Variants in USP6NL observed in about 807,000 individuals in gnomAD.
USP6NL encodes USP6 N-terminal like.
A neutral mutation model predicts 61.9 loss-of-function variants in USP6NL; 26 were observed. The observed-to-expected ratio is 0.42, with a 90% CI of 0.31 to 0.58. The LOEUF (loss-of-function observed/expected upper bound fraction) is 0.58, where lower values mean the gene tolerates loss of function less well. USP6NL is among the 20% of genes least tolerant of loss of function. The pLI is 0.16. For missense variants in USP6NL, 1,114 were observed against 1,034.3 expected, an observed-to-expected ratio of 1.08 and a Z score of -1.06; for synonymous variants, 432 against 390.1, an observed-to-expected ratio of 1.11 and a Z score of -1.27.
Position 11,485,761 on chromosome 10 carries a change from C to T in USP6NL, c.759+56G>A. 2 of 1,187,032 alleles carry T rather than the reference C, an allele frequency of 1.7e-6. No homozygotes were observed. Among genetic ancestry groups the T allele is most frequent in the Non-Finnish European group, 2.4e-6 (2 of 843,092 alleles). 73.5% of individuals were successfully genotyped at this position (1,187,032 alleles called of 1,614,324 possible). A position where few individuals can be genotyped will look rare whatever the true frequency, so the allele number is the denominator to read the frequency against. On this transcript the variant is annotated intron_variant, in intron 11 of 14. Transcript: ENST00000609104. This position sits in a 1 kb window ranked among gnomAD's most constrained non-coding sequence, Gnocchi z 4.8. ...TTGGACCAAAGACAATTTAATTATC[C>T]CAGCTTTTTTTGGGGGGTGGGTAGG... is the stretch of plus-strand genomic sequence containing the variant.
rs564346586 is a variant in USP6NL, at chr10:11,489,227, G to A, written c.544-5C>T. On this transcript the variant is annotated splice_polypyrimidine_tract_variant and splice_region_variant and intron_variant, in intron 9 of 14. Coordinates refer to ENST00000609104, the MANE Select transcript of USP6NL (RefSeq NM_014688.5). This position sits in a 1 kb window ranked among gnomAD's most constrained non-coding sequence, Gnocchi z 5.7. ...CCCCTGACAATACCCGACTTCCTGGGGAGCAAAGGGGAACACAGAAGCTGG... is the reference window on the plus strand; with the variant it reads ...CCCCTGACAATACCCGACTTCCTGGAGAGCAAAGGGGAACACAGAAGCTGG... 6 of 1,613,390 alleles carry A rather than the reference G, an allele frequency of 3.7e-6. No homozygotes were observed. The highest frequency in any genetic ancestry group is 5.1e-6 in the Non-Finnish European group (6 of 1,179,646).
rs1193109822 is a variant in USP6NL at position 11,510,484 on chromosome 10, G to A, written c.196-809C>T. 1.3e-5 allele frequency among the ~76,000 whole-genome samples: 2 copies of A among 152,140 alleles called. No homozygotes were observed. The highest frequency in any genetic ancestry group is 1.3e-4 in the Admixed American group (2 of 15,284). On this transcript the variant is annotated intron_variant, in intron 5 of 14. Coordinates refer to ENST00000609104, the MANE Select transcript of USP6NL (RefSeq NM_014688.5). The surrounding 1 kb of genome is among the most constrained non-coding windows in gnomAD (Gnocchi z 4.8). ...TTACAAAAAAGCATCAGGACACCAG[G>A]CTGCCAAAGTTGGGAGAAGTCTCTT... is the stretch of plus-strand genomic sequence containing the variant.
At chr10:11,539,140 G>A (rs1835950898) in intron 2 of USP6NL, among the ~76,000 whole-genome samples, 1 of 152,200 alleles carries the variant, frequency 6.6e-6, no homozygotes, top group African/African-American at 2.4e-5. Context: ...CTCTCTCTCA[G>A]CCCCTGTCCC....
intron 1 of USP6NL, among the ~76,000 whole-genome samples, chr10:11,606,023 A>G (rs762835074): frequency 6.6e-6 from 1 of 152,194 alleles, no homozygotes; most frequent in African/African-American, 2.4e-5. Flanking sequence ...AATGCCCCAT[A>G]TATCTCAAAC....
chr10:11,583,274 C>T (rs777484161), intron 2 of USP6NL, among the ~76,000 whole-genome samples: 3 of 150,714 alleles, frequency 2.0e-5, no homozygotes, highest in Non-Finnish European at 3.0e-5. Context: ...CTGCAAGCTC[C>T]GCCTCCCGGG....
At chr10:11,571,586 C>T (rs116517966) in intron 2 of USP6NL, among the ~76,000 whole-genome samples, 13,792 of 151,874 alleles carry the variant, frequency 0.091, 708 homozygotes, top group African/African-American at 0.14. Context: ...GAATACAATA[C>T]TTAGAAATGC....
chr10:11,474,084 C>A lies in USP6NL; in HGVS notation c.1078+7686G>T, dbSNP rs1387697565. On this transcript the variant is annotated intron_variant, in intron 14 of 14. Coordinates refer to ENST00000609104, the MANE Select transcript of USP6NL (RefSeq NM_014688.5). The surrounding 1 kb of genome is among the most constrained non-coding windows in gnomAD (Gnocchi z 4.9). Reference sequence around the variant, plus strand: ...TTCAGCTGACTGAGAAAGTACACCCCAAGTTTACCTGGGAAAAAAGTCTTA... The same window carrying A: ...TTCAGCTGACTGAGAAAGTACACCCAAAGTTTACCTGGGAAAAAAGTCTTA... Among the ~76,000 whole-genome samples the A allele has an allele frequency of 6.6e-6, 1 of 152,140 alleles. No individual in the cohort carries two copies. Among genetic ancestry groups the A allele is most frequent in the Admixed American group, 6.5e-5 (1 of 15,284 alleles).
intron 1 of USP6NL, among the ~76,000 whole-genome samples, chr10:11,609,832 A>C (rs1475399852): frequency 6.6e-6 from 1 of 152,236 alleles, no homozygotes; most frequent in Non-Finnish European, 1.5e-5. Flanking sequence ...ACAGTGCCAA[A>C]TCTGACACTT....
At chr10:11,609,257 G>A (rs942454660) in intron 1 of USP6NL, among the ~76,000 whole-genome samples, 1 of 152,064 alleles carries the variant, frequency 6.6e-6, no homozygotes, top group East Asian at 1.9e-4. Flanking sequence ...GTAGGAACGG[G>A]GGTTTCAGCA....
intron 14 of USP6NL, among the ~76,000 whole-genome samples, chr10:11,475,693 T>C (rs1276810305): frequency 6.6e-6 from 1 of 151,346 alleles, no homozygotes; most frequent in Non-Finnish European, 1.5e-5. Context: ...GCAAGGATTA[T>C]CAATGGAAGC....
At chr10:11,560,947 T>C (rs1167721453) in intron 2 of USP6NL, among the ~76,000 whole-genome samples, 1 of 151,888 alleles carries the variant, frequency 6.6e-6, no homozygotes, top group Non-Finnish European at 1.5e-5. Context: ...ACTAATAATG[T>C]ACAAGAAGTA....
rs567060583 is a variant in USP6NL, at chr10:11,596,387, T to C, written c.4+1244A>G. Among the ~76,000 whole-genome samples, 2 of 152,244 alleles carry C rather than the reference T, an allele frequency of 1.3e-5. No individual in the cohort carries two copies. Among genetic ancestry groups the C allele is most frequent in the South Asian group, 2.1e-4 (1 of 4,822 alleles). ...CTGTAATCCCAGCATTTTGGGAGGC[T>C]GAGGCGGGCGGATCACAAGGTCAGG... On this transcript the variant is annotated intron_variant, in intron 2 of 14. Transcript: ENST00000609104. The surrounding 1 kb of genome is among the most constrained non-coding windows in gnomAD (Gnocchi z 4.1).
chr10:11,610,008 C>A (rs1394124406), intron 1 of USP6NL, among the ~76,000 whole-genome samples: 1 of 152,100 alleles, frequency 6.6e-6, no homozygotes, highest in Non-Finnish European at 1.5e-5. Flanking sequence ...GGCTCAGGGC[C>A]CAAATTCTTA....
At chr10:11,554,295 T>C (rs1836599121) in intron 2 of USP6NL, among the ~76,000 whole-genome samples, 1 of 152,066 alleles carries the variant, frequency 6.6e-6, no homozygotes, top group Non-Finnish European at 1.5e-5. Context: ...GGGGCCAAGA[T>C]CCTACAGAAA....
At position 11,529,895 on chromosome 10, in the gene USP6NL, G is replaced by T. The variant is rs141800800; in HGVS notation, c.5-2328C>A. Among the ~76,000 whole-genome samples the T allele has an allele frequency of 2.4e-3, 369 of 152,226 alleles. 2 individuals carry two copies. The highest frequency in any genetic ancestry group is 8.2e-3 in the African/African-American group (339 of 41,528). On this transcript the variant is annotated intron_variant, in intron 2 of 14. Coordinates refer to ENST00000609104, the MANE Select transcript of USP6NL (RefSeq NM_014688.5). ...GCAGGCAGATCACTTGAGGCCAGGA[G>T]TTTGAGACCAGCCTGGCCAACATGG...
chr10:11,497,262 AT>A (rs929221325), intron 7 of USP6NL, among the ~76,000 whole-genome samples: 1 of 151,630 alleles, frequency 6.6e-6, no homozygotes, highest in African/African-American at 2.4e-5. Context: ...GTGAAAAAAA[AT>A]AACCGGGCAT....
At chr10:11,586,476 T>C (rs1477740839) in intron 2 of USP6NL, among the ~76,000 whole-genome samples, 2 of 151,714 alleles carry the variant, frequency 1.3e-5, no homozygotes, top group Admixed American at 6.6e-5. Context: ...ATTCTAACCA[T>C]GAAAACAATT....
At chr10:11,566,942 T>C (rs1203390959) in intron 2 of USP6NL, among the ~76,000 whole-genome samples, 1 of 152,172 alleles carries the variant, frequency 6.6e-6, no homozygotes, top group Non-Finnish European at 1.5e-5. Flanking sequence ...TGAGACTTCA[T>C]CTCTACCAAA....
At chr10:11,538,333 G>C (rs1297502604) in intron 2 of USP6NL, among the ~76,000 whole-genome samples, 1 of 151,968 alleles carries the variant, frequency 6.6e-6, no homozygotes, top group Non-Finnish European at 1.5e-5. Flanking sequence ...AGGCAGAACT[G>C]GCCACTGCTG....
Sources: gnomAD v4.1 joint callset for allele counts (sites outside exome capture counted in the v4.1 genomes callset) on GRCh38, gnomAD v4.1.1 for gene constraint, Gnocchi (gnomAD v3.1) non-coding constraint, MANE v1.5 for transcripts, NCBI Gene and HGNC (gene_info 2026-07-23, HGNC 2026-07-21) for gene names.